The following PTPRO variants were observed in gnomAD, a reference collection of about 807,000 sequenced individuals.
PTPRO encodes receptor-type tyrosine-protein phosphatase O.
PTPRO carries 62 observed loss-of-function variants against 145.2 expected under a neutral mutation model. The observed-to-expected ratio is 0.43, with a 90% CI of 0.35 to 0.53. The LOEUF is 0.53. Ranked by LOEUF, PTPRO falls within the 20% of genes least tolerant of loss-of-function variation. The pLI is 0.01. For synonymous variants in PTPRO, 565 were observed against 514.7 expected (o/e 1.10, Z -1.32); for missense variants, 1,345 against 1,482.7 (o/e 0.91, Z 1.53).
At chr12:15,427,730 A>C (rs1248543981) in intron 1 of PTPRO, among the ~76,000 whole-genome samples, 1 of 151,910 alleles carries the variant, frequency 6.6e-6, no homozygotes, top group Non-Finnish European at 1.5e-5. Context: ...CTAAAATGTT[A>C]AAGTTTAGCT....
At chr12:15,346,096 AT>A (rs2136223919) in intron 1 of PTPRO, among the ~76,000 whole-genome samples, 1 of 152,094 alleles carries the variant, frequency 6.6e-6, no homozygotes, top group African/African-American at 2.4e-5. Context: ...CTTCCAAGTT[AT>A]TTTTTCTTCT....
intron 1 of PTPRO, among the ~76,000 whole-genome samples, chr12:15,436,090 C>A (rs1027452369): frequency 1.3e-5 from 2 of 152,150 alleles, no homozygotes; most frequent in Non-Finnish European, 2.9e-5. Context: ...AGAACAAAGA[C>A]ACAACATACC....
intron 17 of PTPRO, among the ~76,000 whole-genome samples, chr12:15,563,983 G>C (rs1306637536): frequency 6.6e-6 from 1 of 152,022 alleles, no homozygotes; most frequent in East Asian, 1.9e-4. Flanking sequence ...ACCATCACGG[G>C]GCTGAATAAA....
intron 1 of PTPRO, among the ~76,000 whole-genome samples, chr12:15,430,089 A>G (rs1227862235): frequency 6.6e-6 from 1 of 152,076 alleles, no homozygotes; most frequent in Non-Finnish European, 1.5e-5. Flanking sequence ...TTCAGATAGG[A>G]AGTTAAACAT....
chr12:15,383,596 G>C lies in PTPRO; in HGVS notation c.75+60795G>C, dbSNP rs551002769. 2.6e-5 allele frequency among the ~76,000 whole-genome samples: 4 copies of C among 152,272 alleles called. No individual in the cohort carries two copies. In the East Asian group the frequency reaches 7.7e-4, roughly 29 times the overall value. On this transcript the variant is annotated intron_variant, in intron 1 of 26. Coordinates refer to ENST00000281171, the MANE Select transcript of PTPRO (RefSeq NM_030667.3). The stretch of plus-strand genomic sequence containing the variant: ...GAGAACATGTGCCCAAGGTGATTGG[G>C]TTACACCTTAATTTTAAACATGTTA...
chr12:15,483,032 G>A (rs1336689122), intron 1 of PTPRO, among the ~76,000 whole-genome samples: 4 of 152,016 alleles, frequency 2.6e-5, no homozygotes, highest in African/African-American at 9.7e-5. Flanking sequence ...CATAGTGCCT[G>A]GATCCCTGTA....
intron 7 of PTPRO, among the ~76,000 whole-genome samples, chr12:15,513,112 G>GAAGAAAGAAAGAAAGA (rs1565675364): frequency 5.6e-4 from 5 of 8,986 alleles, no homozygotes; most frequent in African/African-American, 1.2e-3. Flanking sequence ...AGAAAGAAAG[G>GAAGAAAGAAAGAAAGA]AAGGAAGGAA....
At chr12:15,533,766 C>T (rs1943012702) in intron 12 of PTPRO, among the ~76,000 whole-genome samples, 1 of 152,096 alleles carries the variant, frequency 6.6e-6, no homozygotes, top group South Asian at 2.1e-4. Flanking sequence ...AAAAATACAA[C>T]TTTGGCACAG....
intron 1 of PTPRO, among the ~76,000 whole-genome samples, chr12:15,476,130 T>C (rs1941648000): frequency 6.6e-6 from 1 of 152,100 alleles, no homozygotes; most frequent in Non-Finnish European, 1.5e-5. Flanking sequence ...CTCTAGTTGA[T>C]TGGGGTCTAA....
chr12:15,489,985 C>G (rs1416131105), intron 2 of PTPRO, among the ~76,000 whole-genome samples: 1 of 152,066 alleles, frequency 6.6e-6, no homozygotes, highest in Non-Finnish European at 1.5e-5. Flanking sequence ...GTTAAGATGG[C>G]AAGTGTTAGC....
At chr12:15,481,098 C>A (rs188791674) in intron 1 of PTPRO, among the ~76,000 whole-genome samples, 1 of 152,314 alleles carries the variant, frequency 6.6e-6, no homozygotes, top group African/African-American at 2.4e-5. Flanking sequence ...ATAGGCAGCA[C>A]ATTAAATACC....
intron 1 of PTPRO, among the ~76,000 whole-genome samples, chr12:15,385,478 G>A (rs1938995320): frequency 6.6e-6 from 1 of 152,074 alleles, no homozygotes; most frequent in Non-Finnish European, 1.5e-5. Flanking sequence ...TTAGGAGAGA[G>A]TGACTTACAA....
At chr12:15,443,585 T>G (rs1007212021) in intron 1 of PTPRO, among the ~76,000 whole-genome samples, 20 of 152,078 alleles carry the variant, frequency 1.3e-4, no homozygotes, top group African/African-American at 4.6e-4. Context: ...GAGAAAATGT[T>G]CACAAACTGC....
chr12:15,594,644 GTCA>G (rs1207164733), intron 25 of PTPRO, among the ~76,000 whole-genome samples: 19 of 151,722 alleles, frequency 1.3e-4, no homozygotes, highest in Non-Finnish European at 2.4e-4. Context: ...TGTATATCAA[GTCA>G]TCACATTGTA....
intron 12 of PTPRO, among the ~76,000 whole-genome samples, chr12:15,544,161 G>A (rs532882498): frequency 6.6e-6 from 1 of 152,238 alleles, no homozygotes; most frequent in Admixed American, 6.5e-5. Flanking sequence ...GATGATCAAT[G>A]AATGTGATCA....
intron 1 of PTPRO, among the ~76,000 whole-genome samples, chr12:15,378,625 A>ACCATAATGTG (rs1352497931): frequency 6.6e-6 from 1 of 152,150 alleles, no homozygotes; most frequent in Admixed American, 6.5e-5. Context: ...TATGGGAGAA[A>ACCATAATGTG]TAAAACCAGT....
chr12:15,584,927 A>C (rs567333159), intron 23 of PTPRO, among the ~76,000 whole-genome samples: 1 of 152,148 alleles, frequency 6.6e-6, no homozygotes, highest in Non-Finnish European at 1.5e-5. Context: ...ATAACACACA[A>C]CTTGTCACTT....
chr12:15,431,196 G>T (rs1940427182), intron 1 of PTPRO, among the ~76,000 whole-genome samples: 1 of 152,164 alleles, frequency 6.6e-6, no homozygotes, highest in Non-Finnish European at 1.5e-5. Flanking sequence ...ACACCACCAT[G>T]TTAGATTCTA....
intron 12 of PTPRO, among the ~76,000 whole-genome samples, chr12:15,534,638 G>A (rs1359754128): frequency 6.6e-6 from 1 of 152,186 alleles, no homozygotes; most frequent in Non-Finnish European, 1.5e-5. Context: ...AGAAGAACCA[G>A]CCACAAAAAG....
Sources: allele counts gnomAD v4.1 joint callset (sites outside exome capture counted in the v4.1 genomes callset), GRCh38; gene constraint gnomAD v4.1.1; transcripts MANE v1.5; gene names NCBI Gene and HGNC (gene_info 2026-07-23, HGNC 2026-07-21).